Variants in GRK4 observed in about 807,000 individuals in gnomAD.
GRK4 encodes the protein G protein-coupled receptor kinase 2-like.
A neutral mutation model predicts 77.9 loss-of-function variants in GRK4; 73 were observed. The observed-to-expected ratio is 0.94, with a 90% confidence interval of 0.78 to 1.14. The LOEUF (loss-of-function observed/expected upper bound fraction) is 1.14, where lower values mean the gene tolerates loss of function less well. Ranked by LOEUF, GRK4 falls within the 50% of genes most tolerant of loss-of-function variation. GRK4 has a pLI of 0.00. For missense variants in GRK4, 729 were observed against 700.2 expected (o/e 1.04, Z -0.46); for synonymous variants, 257 against 254.4 (o/e 1.01, Z -0.10).
chr4:3,015,912 A>G (rs1480035604), intron 8 of GRK4, among the ~76,000 whole-genome samples: 4 of 139,814 alleles, frequency 2.9e-5, no homozygotes, highest in Admixed American at 7.2e-5. Flanking sequence ...CCATCACCCT[A>G]TTTTTTTTTT....
intron 1 of GRK4, among the ~76,000 whole-genome samples, chr4:2,981,843 T>A (rs1722962189): frequency 6.6e-6 from 1 of 152,256 alleles, no homozygotes; most frequent in Non-Finnish European, 1.5e-5. Context: ...TGGCTGTTTG[T>A]GTGCCCTGGC....
At chr4:3,018,100 G>A (rs1735062380) in intron 8 of GRK4, among the ~76,000 whole-genome samples, 1 of 149,974 alleles carries the variant, frequency 6.7e-6, no homozygotes, top group Non-Finnish European at 1.5e-5. Context: ...GATAGAGATG[G>A]GGGTCTCACT....
intron 8 of GRK4, among the ~76,000 whole-genome samples, chr4:3,015,003 T>C (rs1363210325): frequency 6.6e-6 from 1 of 152,128 alleles, no homozygotes; most frequent in Non-Finnish European, 1.5e-5. Context: ...CTTTTCCTTT[T>C]TCTGGGAAGT....
intron 3 of GRK4, 141 bp from the exon 4 acceptor site, chr4:2,992,074 C>T (rs532789817): frequency 3.9e-5 from 19 of 484,258 alleles, no homozygotes; most frequent in Middle Eastern, 5.6e-4. Context: ...GATGGGATCT[C>T]GCTATGTTGC....
At chr4:2,994,428 C>T (rs1394875344) in intron 4 of GRK4, among the ~76,000 whole-genome samples, 1 of 152,158 alleles carries the variant, frequency 6.6e-6, no homozygotes, top group Non-Finnish European at 1.5e-5. Context: ...CCAGGCTAGT[C>T]TCGAACTCCT....
At chr4:2,969,828 C>T (rs1324666355) in intron 1 of GRK4, among the ~76,000 whole-genome samples, 3 of 152,140 alleles carry the variant, frequency 2.0e-5, no homozygotes, top group African/African-American at 7.2e-5. Flanking sequence ...CAGGCATGCG[C>T]TGCCATGCAC....
chr4:2,986,566 G>A (rs1724445874), intron 2 of GRK4, among the ~76,000 whole-genome samples: 1 of 151,574 alleles, frequency 6.6e-6, no homozygotes, highest in South Asian at 2.1e-4. Flanking sequence ...AGGTTGGCCA[G>A]GATGGTCTCA....
chr4:2,972,587 C>T (rs575969076), intron 1 of GRK4, among the ~76,000 whole-genome samples: 16 of 152,116 alleles, frequency 1.1e-4, no homozygotes, highest in African/African-American at 3.1e-4. Context: ...GTCCCTTAGA[C>T]CAAGCCAGGG....
chr4:2,997,833 G>T lies in GRK4; in HGVS notation c.339+5541G>T, dbSNP rs1728385863. 1.3e-5 allele frequency among the ~76,000 whole-genome samples: 2 copies of T among 151,640 alleles called. 1 individual carries two copies. Among genetic ancestry groups the T allele is most frequent in the Middle Eastern group, 6.3e-3 (2 of 316 alleles). ...TGAGGCAAGAGAATCACTTGAACCT[G>T]GGAGGCAGAGGTTACAGTGAGCTGA... On this transcript the variant is annotated intron_variant, in intron 4 of 15. Transcript: ENST00000398052.
chr4:2,992,457 A>T (rs923064475), intron 4 of GRK4, among the ~76,000 whole-genome samples, 165 bp downstream of exon 4: 5 of 152,190 alleles, frequency 3.3e-5, no homozygotes, highest in African/African-American at 1.2e-4. Context: ...AGGAAGGAGG[A>T]TCTCTTTAGC....
At chr4:3,022,314 C>T in intron 9 of GRK4, 100 bp from the exon 10 acceptor site, 4 of 1,106,090 alleles carry the variant, frequency 3.6e-6, no homozygotes, top group Non-Finnish European at 5.3e-6. Context: ...TCGTGTTTTG[C>T]CGCGCTAGCC....
chr4:3,004,786 G>T (rs1424923373), intron 5 of GRK4, among the ~76,000 whole-genome samples: 1 of 152,112 alleles, frequency 6.6e-6, no homozygotes, highest in Non-Finnish European at 1.5e-5. Context: ...AGGAAGAGGA[G>T]GAGCTGGTCT....
At chr4:3,037,613 G>C (rs1400393453) in intron 14 of GRK4, 102 bp downstream of exon 14, 1 of 1,357,658 alleles carries the variant, frequency 7.4e-7, no homozygotes, top group Non-Finnish European at 1.0e-6. Flanking sequence ...GTGTGTATTT[G>C]GGAGATAAAA....
At chr4:2,990,509 G>A (rs563700290) in intron 3 of GRK4, among the ~76,000 whole-genome samples, 1 of 152,082 alleles carries the variant, frequency 6.6e-6, no homozygotes, top group East Asian at 1.9e-4. Context: ...TGCCCGTCTC[G>A]GCCTCCCAAA....
chr4:2,986,937 T>C (rs1466591636), intron 2 of GRK4: 1 of 319,582 alleles, frequency 3.1e-6, no homozygotes, highest in Non-Finnish European at 6.2e-6. Flanking sequence ...CCACTGAGTA[T>C]TTTAAATAAC....
intron 1 of GRK4, among the ~76,000 whole-genome samples, chr4:2,971,471 C>G (rs886255752): frequency 6.6e-6 from 1 of 152,084 alleles, no homozygotes; most frequent in Non-Finnish European, 1.5e-5. Flanking sequence ...CAATAAATAC[C>G]TGATGGATGA....
At chr4:2,992,412 C>T in intron 4 of GRK4, 120 bp downstream of exon 4, 1 of 613,812 alleles carries the variant, frequency 1.6e-6, no homozygotes, top group South Asian at 1.8e-5. Flanking sequence ...GGGTGTGATG[C>T]CTGACGCCTG....
intron 2 of GRK4, among the ~76,000 whole-genome samples, chr4:2,987,590 G>A (rs145600180): frequency 6.6e-6 from 1 of 152,250 alleles, no homozygotes; most frequent in East Asian, 1.9e-4. Context: ...TGGGAACATT[G>A]GTGTGCAAAT....
chr4:2,992,197 T>G lies in GRK4; in HGVS notation c.262-18T>G. 1.3e-6 allele frequency: 2 copies of G among 1,586,830 alleles called. No individual in the cohort carries two copies. Among genetic ancestry groups the G allele is most frequent in the Non-Finnish European group, 1.7e-6 (2 of 1,155,750 alleles). On this transcript the variant is annotated intron_variant, in intron 3 of 15. Coordinates refer to ENST00000398052, the MANE Select transcript of GRK4 (RefSeq NM_182982.3). ...CCCAGCTTAACTGTTCTTTCTTTTC[T>G]TCCATCTCTCCAATCAGGCAGAATA...
Sources: allele counts gnomAD v4.1 joint callset (sites outside exome capture counted in the v4.1 genomes callset), GRCh38; gene constraint gnomAD v4.1.1; transcripts MANE v1.5; gene names NCBI Gene and HGNC (gene_info 2026-07-23, HGNC 2026-07-21).